MEGF6: variants seen among roughly 807,000 people sequenced by gnomAD.
MEGF6 encodes the protein multiple EGF like domains 6.
In MEGF6, 184 loss-of-function variants were observed where a neutral mutation model predicts 207.1. The observed-to-expected ratio is 0.89, with a 90% CI of 0.79 to 1.00. The LOEUF (loss-of-function observed/expected upper bound fraction) is 1.00. Ranked by LOEUF, MEGF6 falls within the 50% of genes least tolerant of loss-of-function variation. MEGF6 has a pLI of 0.00. For missense variants in MEGF6, 2,282 were observed against 2,202.9 expected, an observed-to-expected ratio of 1.04 and a Z score of -0.72; for synonymous variants, 1,038 against 910.0, an observed-to-expected ratio of 1.14 and a Z score of -2.53.
At chr1:3,597,148 C>T (rs1344891329) in intron 2 of MEGF6, among the ~76,000 whole-genome samples, 2 of 152,372 alleles carry the variant, frequency 1.3e-5, no homozygotes, top group Admixed American at 6.5e-5. Flanking sequence ...AGCTGGTTCA[C>T]GCAGGGCTGG....
rs985806622 is a variant in MEGF6 at position 3,515,399 on chromosome 1, C to T, written c.730+3G>A. The T allele has an allele frequency of 6.2e-7, 1 of 1,610,418 alleles. No individual in the cohort carries two copies. The highest frequency in any genetic ancestry group is 8.5e-7 in the Non-Finnish European group (1 of 1,178,996). The stretch of plus-strand genomic sequence containing the variant: ...TCCTCCCTCCCAGGCTGGCAGCACT[C>T]ACGGACACAATGCCTGCCGTCCTCC... On this transcript the variant is annotated splice_donor_region_variant and intron_variant, in intron 6 of 36. Transcript: ENST00000356575.
At position 3,509,064 on chromosome 1, in the gene MEGF6, C is replaced by A. The variant is rs1444487020; in HGVS notation, c.1528+11G>T. ...CGAGCAGGAGCCCCCGGGGGCTGGG[C>A]CCGCGCTCACCAAACTTCTCTGTGA... On this transcript the variant is annotated intron_variant, in intron 12 of 36. Coordinates refer to ENST00000356575, the MANE Select transcript of MEGF6 (RefSeq NM_001409.4). 2.7e-5 allele frequency: 42 copies of A among 1,567,440 alleles called. No homozygotes were observed. Among genetic ancestry groups the A allele is most frequent in the Admixed American group, 3.7e-5 (2 of 54,292 alleles).
At chr1:3,554,392 G>A (rs1335680142) in intron 4 of MEGF6, among the ~76,000 whole-genome samples, 1 of 152,122 alleles carries the variant, frequency 6.6e-6, no homozygotes, top group African/African-American at 2.4e-5. Context: ...GGAGGGGGAC[G>A]GCACTCCAGG....
Position 3,550,816 on chromosome 1 carries a change from G to T in MEGF6, c.482-26570C>A, listed in dbSNP as rs547444070. Among the ~76,000 whole-genome samples, 3 of 152,352 alleles carry T rather than the reference G, an allele frequency of 2.0e-5. No individual in the cohort carries two copies. In the East Asian group the frequency reaches 5.8e-4, roughly 29 times the overall value. The stretch of plus-strand genomic sequence containing the variant: ...TGAGAACCCGAGGGGAGCAAGAGGG[G>T]GCCCACACCCCCACCGCCCGTGCAC... On this transcript the variant is annotated intron_variant, in intron 4 of 36. Transcript: ENST00000356575.
At chr1:3,570,637 T>C (rs983434490) in intron 4 of MEGF6, among the ~76,000 whole-genome samples, 5 of 152,062 alleles carry the variant, frequency 3.3e-5, no homozygotes, top group African/African-American at 1.2e-4. Context: ...AGACAACCAC[T>C]GCACCACCAA....
At chr1:3,530,726 C>T (rs1028736393) in intron 4 of MEGF6, among the ~76,000 whole-genome samples, 77 of 152,366 alleles carry the variant, frequency 5.1e-4, no homozygotes, top group African/African-American at 1.7e-3. Context: ...TCTCAAAGGG[C>T]CTTTGTCTCC....
Position 3,518,877 on chromosome 1 carries a change from G to A in MEGF6, c.605-3350C>T, listed in dbSNP as rs559557489. Among the ~76,000 whole-genome samples the A allele has an allele frequency of 3.6e-3, 555 of 152,266 alleles. 2 individuals carry two copies. Among genetic ancestry groups the A allele is most frequent in the African/African-American group, 0.012 (497 of 41,542 alleles). On this transcript the variant is annotated intron_variant, in intron 5 of 36. Coordinates refer to ENST00000356575, the MANE Select transcript of MEGF6 (RefSeq NM_001409.4). ...TTCATCCCCCAGCTCCCCTCCAGGC[G>A]GGCCTGCCCTGTACACCTGCCCCCA...
the MEGF6 span, among the ~76,000 whole-genome samples, chr1:3,618,160 G>A: frequency 7.2e-5 from 11 of 152,176 alleles, no homozygotes; most frequent in Admixed American, 5.9e-4. This position sits in a 1 kb window ranked among gnomAD's most constrained non-coding sequence, Gnocchi z 4.7. Flanking sequence ...GAGGCAGGGC[G>A]CCCTGCTGTC....
intron 4 of MEGF6, among the ~76,000 whole-genome samples, chr1:3,578,966 C>T (rs1643725284): frequency 1.3e-5 from 2 of 152,270 alleles, no homozygotes; most frequent in African/African-American, 4.8e-5. Context: ...CATCCGATTT[C>T]CTCGAATCGC....
chr1:3,601,533 G>C (rs188574817), intron 2 of MEGF6, among the ~76,000 whole-genome samples: 1 of 152,126 alleles, frequency 6.6e-6, no homozygotes, highest in Non-Finnish European at 1.5e-5. Context: ...GTACTGGGCC[G>C]GGTCGTCTGT....
intron 4 of MEGF6, among the ~76,000 whole-genome samples, chr1:3,567,220 T>G (rs1643369759): frequency 6.6e-6 from 1 of 152,180 alleles, no homozygotes; most frequent in Non-Finnish European, 1.5e-5. Context: ...CCCTGGTCCC[T>G]CCCAGGGATG....
intron 4 of MEGF6, among the ~76,000 whole-genome samples, chr1:3,575,909 C>T (rs572709292): frequency 7.9e-4 from 121 of 152,356 alleles, no homozygotes; most frequent in African/African-American, 2.8e-3. Context: ...GCCATGACCC[C>T]CACTTCCCGA....
intron 4 of MEGF6, among the ~76,000 whole-genome samples, chr1:3,570,374 C>T (rs1643462658): frequency 6.6e-6 from 1 of 152,112 alleles, no homozygotes; most frequent in Admixed American, 6.5e-5. Flanking sequence ...AAGCGGGACT[C>T]GGGGGATTTC....
the MEGF6 span, among the ~76,000 whole-genome samples, chr1:3,620,817 C>T: frequency 6.6e-6 from 1 of 152,172 alleles, no homozygotes; most frequent in South Asian, 2.1e-4. Context: ...TGCCTGGCTG[C>T]GCTGTTATTT....
intron 14 of MEGF6, among the ~76,000 whole-genome samples, chr1:3,507,101 G>A (rs1557730365): frequency 6.6e-6 from 1 of 152,194 alleles, no homozygotes; most frequent in African/African-American, 2.4e-5. Context: ...GCCCTGTGTG[G>A]CTGCCTGGGG....
intron 1 of MEGF6, among the ~76,000 whole-genome samples, chr1:3,602,905 G>A (rs1644183997): frequency 6.6e-6 from 1 of 152,318 alleles, no homozygotes; most frequent in East Asian, 1.9e-4. Context: ...CAACAGACAG[G>A]AACTGTGGCC....
Position 3,509,086 on chromosome 1 carries a change from G to A in MEGF6, c.1517C>T (p.Thr506Ile), listed in dbSNP as rs746991424. The A allele has an allele frequency of 6.3e-6, 10 of 1,595,492 alleles. No individual in the cohort carries two copies. Among genetic ancestry groups the A allele is most frequent in the Non-Finnish European group, 8.5e-6 (10 of 1,172,326 alleles). The change falls in exon 12 of 37, where the codon ACA (threonine) becomes ATA (isoleucine). Residue 506 changes from threonine (T) to isoleucine (I), a missense_variant. By Grantham distance (89) the Thr-to-Ile change is moderately conservative. Coordinates refer to ENST00000356575, the MANE Select transcript of MEGF6 (RefSeq NM_001409.4). ...GGGCCCGCGCTCACCAAACTTCTCT[G>A]TGAGCGTGTGTTCGCCCCGCAACTC... ...EAELRGEHTL[T>I]EKFVCLDDSF...
intron 3 of MEGF6, among the ~76,000 whole-genome samples, chr1:3,592,768 G>C (rs764934131): frequency 1.3e-5 from 2 of 152,070 alleles, no homozygotes; most frequent in Non-Finnish European, 2.9e-5. Flanking sequence ...GCCAGAGAAG[G>C]AGATCACAGG....
chr1:3,537,469 C>G (rs954518743), intron 4 of MEGF6, among the ~76,000 whole-genome samples: 1 of 152,356 alleles, frequency 6.6e-6, no homozygotes, highest in East Asian at 1.9e-4. Context: ...CGATCACCAC[C>G]GCCCACAACT....
Sources: gnomAD v4.1 joint callset for allele counts (sites outside exome capture counted in the v4.1 genomes callset) on GRCh38, gnomAD v4.1.1 for gene constraint, Gnocchi (gnomAD v3.1) non-coding constraint, MANE v1.5 for transcripts, NCBI Gene and HGNC (gene_info 2026-07-23, HGNC 2026-07-21) for gene names.